Variants in HAS2 observed in about 807,000 individuals in gnomAD.
The protein encoded by HAS2 is HA synthase 2.
In HAS2, 16 loss-of-function variants were observed where a neutral mutation model predicts 51.6. That is an observed-to-expected ratio of 0.31 (90% confidence interval 0.21 to 0.47). The LOEUF is 0.47. Among genes scored for constraint, HAS2 ranks in the 20% least tolerant of loss-of-function variants. The pLI is 1.00. For missense variants in HAS2, 361 were observed against 662.6 expected, an observed-to-expected ratio of 0.54 and a Z score of 5.00; for synonymous variants, 228 against 235.5, an observed-to-expected ratio of 0.97 and a Z score of 0.29.
chr8:121,620,500 G>C (rs1009597097), intron 2 of HAS2, among the ~76,000 whole-genome samples: 1 of 152,090 alleles, frequency 6.6e-6, no homozygotes, highest in Non-Finnish European at 1.5e-5. Flanking sequence ...CATCTTTTTG[G>C]CCACACTAAG....
chr8:121,621,622 C>T (rs145436788), intron 2 of HAS2, among the ~76,000 whole-genome samples: 12 of 152,270 alleles, frequency 7.9e-5, no homozygotes, highest in African/African-American at 2.6e-4. Context: ...GAATTGATTA[C>T]ATATACAGAA....
chr8:121,630,075 CG>C (rs34138148), intron 1 of HAS2, among the ~76,000 whole-genome samples: 9,730 of 152,112 alleles, frequency 0.064, 323 homozygotes, highest in Middle Eastern at 0.068. Flanking sequence ...ATTAAAGCCC[CG>C]TAATTCTGAA....
At chr8:121,625,511 C>T (rs1028354270) in intron 2 of HAS2, among the ~76,000 whole-genome samples, 2 of 150,746 alleles carry the variant, frequency 1.3e-5, no homozygotes, top group Admixed American at 1.3e-4. Flanking sequence ...AATTCATTCC[C>T]TTCAACTTTT....
intron 2 of HAS2, among the ~76,000 whole-genome samples, chr8:121,623,913 G>A (rs4463432): frequency 0.98 from 148,687 of 152,314 alleles, 72,606 homozygotes; most frequent in East Asian, 1. Context: ...AATGTCATAC[G>A]CAGTTGATTA....
Position 121,614,805 on chromosome 8 carries a change from C to G in HAS2, c.963G>C (p.Val321=). Reference sequence around the variant, plus strand: ...ATTTTGTTGCATAGCCCAGGCTCAGCACCCGGTTCGTGAGATGCCTGTCAT... The same window carrying G: ...ATTTTGTTGCATAGCCCAGGCTCAGGACCCGGTTCGTGAGATGCCTGTCAT... The part of the protein sequence containing the change: ...FGDDRHLTNR[V]LSLGYATKYT... Residue 321 remains valine (V), a synonymous_variant, in exon 4 of 4, where the codon GTG becomes GTC. Transcript: ENST00000303924. The surrounding 1 kb of genome is among the most constrained non-coding windows in gnomAD (Gnocchi z 7.2). 3 of 1,614,202 alleles carry G rather than the reference C, an allele frequency of 1.9e-6. No homozygotes were observed. Among genetic ancestry groups the G allele is most frequent in the Non-Finnish European group, 2.5e-6 (3 of 1,180,034 alleles).
chr8:121,626,252 T>A (rs147291904), intron 2 of HAS2, among the ~76,000 whole-genome samples: 1 of 152,338 alleles, frequency 6.6e-6, no homozygotes, highest in Non-Finnish European at 1.5e-5. Context: ...CAAGGTCATC[T>A]GTTAGTAGTT....
rs1446946653 is a variant in HAS2 at position 121,640,123 on chromosome 8, T to C, written c.-1+730A>G. On this transcript the variant is annotated intron_variant, in intron 1 of 3. Transcript: ENST00000303924. ...GGAGGGATGCGCGCCCTCCTCCCGC[T>C]CCTATCTGCGGGTGCCACCGCCTGC... 3 of 152,204 alleles carry C rather than the reference T, an allele frequency of 2.0e-5. No homozygotes were observed. In the East Asian group the frequency reaches 5.8e-4, roughly 30 times the overall value. 9.4% of individuals were successfully genotyped at this position (152,204 alleles called of 1,614,324 possible).
intron 2 of HAS2, among the ~76,000 whole-genome samples, chr8:121,622,117 C>T (rs1232613841): frequency 6.6e-6 from 1 of 152,120 alleles, no homozygotes; most frequent in Non-Finnish European, 1.5e-5. Context: ...TTTGTTCTTG[C>T]TTCCTCCCAC....
chr8:121,640,075 G>C (rs972993151), intron 1 of HAS2: 2 of 152,252 alleles, frequency 1.3e-5, no homozygotes, highest in Non-Finnish European at 2.9e-5. Flanking sequence ...CCGGGCGGCC[G>C]GCGGGCTGGC....
chr8:121,616,862 G>A (rs1357478969), intron 3 of HAS2, among the ~76,000 whole-genome samples: 1 of 152,130 alleles, frequency 6.6e-6, no homozygotes, highest in Admixed American at 6.6e-5. Context: ...TAACTTATCA[G>A]CTACTACAGA....
Position 121,641,078 on chromosome 8 carries a change from T to C in HAS2, c.-226A>G, listed in dbSNP as rs1042984494. ...AATAATTTCACTAATATTCTCTTTA[T>C]GTTTCCGTTGCACTTCAGTCTAATT... On this transcript the variant is annotated 5_prime_UTR_variant, in exon 1 of 4. Transcript: ENST00000303924. The C allele has an allele frequency of 6.6e-6, 1 of 151,846 alleles. No homozygotes were observed. Among genetic ancestry groups the C allele is most frequent in the Non-Finnish European group, 1.5e-5 (1 of 67,990 alleles). The allele number at this position is 151,846 out of a possible 1,614,324, so 9.4% of individuals were successfully genotyped here.
intron 1 of HAS2, among the ~76,000 whole-genome samples, chr8:121,636,192 T>C (rs1813005655): frequency 6.6e-6 from 1 of 152,222 alleles, no homozygotes; most frequent in South Asian, 2.1e-4. Context: ...TGGCAACCAC[T>C]AGGTTAAAGT....
intron 2 of HAS2, among the ~76,000 whole-genome samples, chr8:121,622,886 T>C (rs1812791760): frequency 6.6e-6 from 1 of 151,250 alleles, no homozygotes; most frequent in African/African-American, 2.4e-5. Context: ...AAATACAAAA[T>C]CATAAAATCT....
intron 2 of HAS2, among the ~76,000 whole-genome samples, chr8:121,622,491 C>A (rs1184614904): frequency 6.6e-6 from 1 of 151,964 alleles, no homozygotes; most frequent in Non-Finnish European, 1.5e-5. Flanking sequence ...TTGTAATTAA[C>A]TAGTGTTAAT....
chr8:121,622,271 C>T (rs926259026), intron 2 of HAS2, among the ~76,000 whole-genome samples: 1 of 152,090 alleles, frequency 6.6e-6, no homozygotes, highest in Non-Finnish European at 1.5e-5. Flanking sequence ...TGAACTCCTA[C>T]CAGTACAACC....
chr8:121,615,355 G>C (rs1812685469), intron 3 of HAS2, among the ~76,000 whole-genome samples: 1 of 152,012 alleles, frequency 6.6e-6, no homozygotes, highest in African/African-American at 2.4e-5. Flanking sequence ...TATTTATTTA[G>C]AGATGGAGTC....
At chr8:121,620,392 A>G in intron 2 of HAS2, among the ~76,000 whole-genome samples, 1 of 152,202 alleles carries the variant, frequency 6.6e-6, no homozygotes, top group East Asian at 1.9e-4. Context: ...CTGGATTACA[A>G]TCTGTGGGAG....
chr8:121,624,899 T>C (rs1348283334), intron 2 of HAS2, among the ~76,000 whole-genome samples: 7 of 151,822 alleles, frequency 4.6e-5, no homozygotes, highest in Non-Finnish European at 7.4e-5. Flanking sequence ...GTCGAGACCA[T>C]CCTGGCTAAT....
At chr8:121,640,664 G>A (rs1006928131) in intron 1 of HAS2, among the ~76,000 whole-genome samples, 189 bp downstream of exon 1, 2 of 152,070 alleles carry the variant, frequency 1.3e-5, no homozygotes, top group African/African-American at 4.8e-5. Flanking sequence ...GGGAAAAGAG[G>A]GCTATGTTGC....
Sources: gnomAD v4.1 joint callset for allele counts (sites outside exome capture counted in the v4.1 genomes callset) on GRCh38, gnomAD v4.1.1 for gene constraint, Gnocchi (gnomAD v3.1) non-coding constraint, MANE v1.5 for transcripts, NCBI Gene and HGNC (gene_info 2026-07-23, HGNC 2026-07-21) for gene names.